The following PTK2 variants were observed in gnomAD, a reference collection of about 807,000 sequenced individuals.
The protein encoded by PTK2 is protein tyrosine kinase 2.
PTK2 carries 45 observed loss-of-function variants against 150.1 expected under a neutral mutation model. The observed-to-expected ratio is 0.30, with a 90% CI of 0.24 to 0.38. The LOEUF (loss-of-function observed/expected upper bound fraction) is 0.38. PTK2 is among the 10% of genes least tolerant of loss of function. PTK2 has a pLI of 1.00. For missense variants in PTK2, 919 were observed against 1,307.3 expected (o/e 0.70, Z 4.58); for synonymous variants, 432 against 449.2 (o/e 0.96, Z 0.48).
At chr8:140,900,353 T>A (rs1385115500) in intron 2 of PTK2, among the ~76,000 whole-genome samples, 1 of 151,988 alleles carries the variant, frequency 6.6e-6, no homozygotes, top group African/African-American at 2.4e-5. Context: ...ACAAAAAATA[T>A]CAAATACCTA....
chr8:140,813,069 C>T (rs1238336892), intron 10 of PTK2, among the ~76,000 whole-genome samples: 1 of 152,140 alleles, frequency 6.6e-6, no homozygotes, highest in Non-Finnish European at 1.5e-5. Context: ...CCCAAAGCAA[C>T]AAAATACACA....
intron 1 of PTK2, among the ~76,000 whole-genome samples, chr8:140,982,081 A>AAAAAAAAC (rs144602670): frequency 6.8e-5 from 10 of 146,640 alleles, no homozygotes; most frequent in South Asian, 2.1e-4. Flanking sequence ...AAAAAAAAAA[A>AAAAAAAAC]AATGACTCAG....
intron 14 of PTK2, among the ~76,000 whole-genome samples, chr8:140,782,243 GTTTTT>G (rs1240768281): frequency 9.4e-4 from 92 of 97,606 alleles, no homozygotes; most frequent in African/African-American, 4.1e-3. Context: ...AAATTTGGTT[GTTTTT>G]TTTTTTGGGG....
At chr8:140,757,032 T>A (rs1013442565) in intron 16 of PTK2, among the ~76,000 whole-genome samples, 1 of 152,128 alleles carries the variant, frequency 6.6e-6, no homozygotes, top group Non-Finnish European at 1.5e-5. Context: ...ATGGCTATTT[T>A]AAAAAATTAT....
At chr8:140,994,404 T>C (rs887239717) in intron 1 of PTK2, among the ~76,000 whole-genome samples, 2 of 152,280 alleles carry the variant, frequency 1.3e-5, no homozygotes, top group Non-Finnish European at 2.9e-5. Flanking sequence ...GTGCCATTTA[T>C]TCAACAGCAT....
At chr8:140,989,966 AC>A (rs1474034022) in intron 1 of PTK2, among the ~76,000 whole-genome samples, 5 of 151,944 alleles carry the variant, frequency 3.3e-5, no homozygotes, top group Admixed American at 6.6e-5. Flanking sequence ...ATTTAAAACC[AC>A]AAGGCGGTAC....
chr8:140,959,150 T>C (rs890234272), intron 1 of PTK2, among the ~76,000 whole-genome samples: 12 of 140,422 alleles, frequency 8.5e-5, no homozygotes, highest in Admixed American at 7.2e-4. Context: ...TGGAAATGAC[T>C]GTCACAGAAG....
chr8:141,000,469 G>A (rs1023086481), intron 1 of PTK2, among the ~76,000 whole-genome samples: 1 of 152,174 alleles, frequency 6.6e-6, no homozygotes, highest in Non-Finnish European at 1.5e-5. Context: ...CTCGCGTCCG[G>A]GCGAACCCTG....
intron 20 of PTK2, among the ~76,000 whole-genome samples, chr8:140,741,079 G>A (rs1455461876): frequency 1.3e-5 from 2 of 152,044 alleles, no homozygotes; most frequent in Non-Finnish European, 2.9e-5. Context: ...AGGAGGTTGA[G>A]GCTGCAGTGA....
chr8:140,764,096 G>C, intron 15 of PTK2, 138 bp downstream of exon 17: 1 of 796,568 alleles, frequency 1.3e-6, no homozygotes, highest in South Asian at 1.4e-5. Context: ...GAATGGTAAA[G>C]GTTGAAAAGA....
Position 140,902,733 on chromosome 8 carries a change from T to C in PTK2, c.-32-11964A>G, listed in dbSNP as rs983748264. Among the ~76,000 whole-genome samples, 9 of 152,338 alleles carry C rather than the reference T, an allele frequency of 5.9e-5. 1 individual carries two copies. The highest frequency in any genetic ancestry group is 6.5e-5 in the Admixed American group (1 of 15,304). On this transcript the variant is annotated intron_variant, in intron 2 of 31. Coordinates refer to ENST00000522684, the Ensembl canonical transcript of PTK2. ...CAGTGATGATGAGCTTTTTTTCATA[T>C]GTTTATTGGCCACATAAATGTCTTC... is the stretch of plus-strand genomic sequence containing the variant.
At chr8:140,827,214 G>A (rs1216095520) in intron 8 of PTK2, among the ~76,000 whole-genome samples, 1 of 152,058 alleles carries the variant, frequency 6.6e-6, no homozygotes, top group Non-Finnish European at 1.5e-5. Context: ...CCCACACCAA[G>A]TGACTGCCCA....
intron 23 of PTK2, among the ~76,000 whole-genome samples, chr8:140,714,631 T>C (rs2100038602): frequency 6.6e-6 from 1 of 151,142 alleles, no homozygotes; most frequent in Non-Finnish European, 1.5e-5. Flanking sequence ...ACCCTGTCTG[T>C]ACTAAAAATA....
At chr8:140,721,098 G>A (rs1196501278) in intron 22 of PTK2, among the ~76,000 whole-genome samples, 4 of 151,614 alleles carry the variant, frequency 2.6e-5, no homozygotes, top group Admixed American at 2.0e-4. Context: ...TAAAAGAGAT[G>A]GAATGGTACT....
intron 8 of PTK2, 55 bp from the exon 9 acceptor site, chr8:140,819,075 A>G (rs1480868309): frequency 6.4e-7 from 1 of 1,555,418 alleles, no homozygotes; most frequent in African/African-American, 1.4e-5. Flanking sequence ...AGTAAAGACC[A>G]CAACAATAAT....
intron 14 of PTK2, among the ~76,000 whole-genome samples, chr8:140,785,990 C>T (rs1487923293): frequency 6.6e-6 from 1 of 152,136 alleles, no homozygotes; most frequent in East Asian, 1.9e-4. Context: ...TATTTTAATT[C>T]ACTATCTATG....
intron 23 of PTK2, among the ~76,000 whole-genome samples, chr8:140,710,552 T>A (rs1411628716): frequency 6.6e-6 from 1 of 151,892 alleles, no homozygotes; most frequent in Non-Finnish European, 1.5e-5. Context: ...ACTCCTGTAA[T>A]CCCAGCTACT....
chr8:140,845,000 C>T (rs1460921148), intron 7 of PTK2, among the ~76,000 whole-genome samples: 1 of 152,070 alleles, frequency 6.6e-6, no homozygotes, highest in Non-Finnish European at 1.5e-5. Flanking sequence ...GTCCCTAATT[C>T]AAATGTAATC....
intron 5 of PTK2, among the ~76,000 whole-genome samples, chr8:140,853,177 C>T (rs1445601759): frequency 1.4e-5 from 2 of 147,590 alleles, no homozygotes; most frequent in South Asian, 2.2e-4. Flanking sequence ...CAAACCTTTG[C>T]ATATGATGTC....
Sources: allele counts gnomAD v4.1 joint callset (sites outside exome capture counted in the v4.1 genomes callset), GRCh38; gene constraint gnomAD v4.1.1; transcripts MANE v1.5; gene names NCBI Gene and HGNC (gene_info 2026-07-23, HGNC 2026-07-21).